GLIS3: variants seen among roughly 807,000 people sequenced by gnomAD.
The protein encoded by GLIS3 is zinc finger protein GLIS3.
In GLIS3, 53 loss-of-function variants were observed where a neutral mutation model predicts 78.6. That is an observed-to-expected ratio of 0.67 (90% CI 0.54 to 0.85). GLIS3 has a LOEUF of 0.85. GLIS3 is among the 40% of genes least tolerant of loss of function. GLIS3 has a pLI of 0.00. For missense variants in GLIS3, 1,703 were observed against 1,231.1 expected, an observed-to-expected ratio of 1.38 and a Z score of -5.74; for synonymous variants, 684 against 509.9, an observed-to-expected ratio of 1.34 and a Z score of -4.60.
intron 4 of GLIS3, among the ~76,000 whole-genome samples, chr9:4,002,440 C>T (rs1275390495): frequency 6.6e-6 from 1 of 152,230 alleles, no homozygotes; most frequent in African/African-American, 2.4e-5. Context: ...AATTCACCTA[C>T]TGAGTAGGCT....
the GLIS3 span, among the ~76,000 whole-genome samples, chr9:4,368,130 T>C: frequency 7.2e-5 from 11 of 152,314 alleles, no homozygotes; most frequent in South Asian, 4.1e-4. Context: ...TAATGAATAA[T>C]CCTAAAATCA....
the GLIS3 span, among the ~76,000 whole-genome samples, chr9:4,426,772 C>G: frequency 6.6e-6 from 1 of 152,214 alleles, no homozygotes; most frequent in African/African-American, 2.4e-5. Flanking sequence ...TTCTGTGCTT[C>G]AGTTCCGTCA....
chr9:4,289,439 C>T (rs963983976), intron 1 of GLIS3, among the ~76,000 whole-genome samples: 4 of 152,132 alleles, frequency 2.6e-5, no homozygotes, highest in Non-Finnish European at 4.4e-5. Context: ...TGCCCATCAG[C>T]GATGTGTTGT....
chr9:4,294,301 G>C (rs1346662312), intron 1 of GLIS3, among the ~76,000 whole-genome samples: 2 of 152,168 alleles, frequency 1.3e-5, no homozygotes, highest in South Asian at 2.1e-4. Context: ...CTGAGGTCAG[G>C]AGTTCGAGAC....
intron 4 of GLIS3, among the ~76,000 whole-genome samples, chr9:4,098,735 C>T (rs1419494771): frequency 1.3e-5 from 2 of 152,042 alleles, no homozygotes; most frequent in Non-Finnish European, 2.9e-5. Context: ...GTTTTACGAT[C>T]GAAATGGAAA....
chr9:4,225,317 T>C (rs565631977), intron 2 of GLIS3, among the ~76,000 whole-genome samples: 13 of 152,348 alleles, frequency 8.5e-5, no homozygotes, highest in African/African-American at 2.9e-4. Context: ...CTAAGTAGTA[T>C]AGACCTGCTA....
At chr9:4,211,835 C>T (rs1301577437) in intron 2 of GLIS3, among the ~76,000 whole-genome samples, 2 of 152,168 alleles carry the variant, frequency 1.3e-5, no homozygotes, top group Non-Finnish European at 2.9e-5. Context: ...TGTTATTTGA[C>T]AATAAAAAAG....
chr9:4,065,738 G>C (rs1282362751), intron 4 of GLIS3, among the ~76,000 whole-genome samples: 1 of 152,136 alleles, frequency 6.6e-6, no homozygotes, highest in Non-Finnish European at 1.5e-5. Context: ...AGAGGTCTAA[G>C]ATGCTAGTGT....
At chr9:3,941,643 G>A (rs976442289) in intron 4 of GLIS3, among the ~76,000 whole-genome samples, 2 of 152,132 alleles carry the variant, frequency 1.3e-5, no homozygotes, top group African/African-American at 4.8e-5. Flanking sequence ...CATTTCAGTG[G>A]CTTTGCGGAC....
chr9:4,274,043 A>T (rs1465695141), intron 2 of GLIS3, among the ~76,000 whole-genome samples: 1 of 152,146 alleles, frequency 6.6e-6, no homozygotes, highest in Non-Finnish European at 1.5e-5. Flanking sequence ...CCCTTTGCCT[A>T]GACTCTGCCC....
intron 4 of GLIS3, among the ~76,000 whole-genome samples, chr9:4,097,593 G>C (rs774833846): frequency 3.9e-5 from 6 of 152,176 alleles, no homozygotes; most frequent in African/African-American, 1.4e-4. Context: ...CAAAATGCCA[G>C]AGATTTTACC....
chr9:4,371,002 C>G, the GLIS3 span, among the ~76,000 whole-genome samples: 1 of 152,182 alleles, frequency 6.6e-6, no homozygotes, highest in Non-Finnish European at 1.5e-5. Flanking sequence ...TGTGAGCCCT[C>G]AAATGTTAAC....
intron 2 of GLIS3, among the ~76,000 whole-genome samples, chr9:4,209,489 G>A (rs1055120168): frequency 2.6e-5 from 4 of 152,206 alleles, no homozygotes; most frequent in Non-Finnish European, 4.4e-5. Flanking sequence ...AGCTTCTCAA[G>A]ATGGACTTCC....
At chr9:4,176,310 AG>A (rs1363984050) in intron 2 of GLIS3, among the ~76,000 whole-genome samples, 2 of 152,226 alleles carry the variant, frequency 1.3e-5, no homozygotes, top group Admixed American at 6.5e-5. Context: ...GTAACTGCCC[AG>A]AGATAATCAT....
chr9:4,190,859 A>C (rs1010152697), intron 2 of GLIS3, among the ~76,000 whole-genome samples: 1 of 152,276 alleles, frequency 6.6e-6, no homozygotes, highest in Non-Finnish European at 1.5e-5. Context: ...ACAAGCCAGA[A>C]GACAGTGGGG....
chr9:4,383,940 C>G, the GLIS3 span, among the ~76,000 whole-genome samples: 2 of 152,226 alleles, frequency 1.3e-5, no homozygotes, highest in Non-Finnish European at 2.9e-5. Context: ...GCACGAACCC[C>G]TCAATTCCTC....
chr9:4,312,700 T>C (rs1427623777), intron 2 of GLIS3, among the ~76,000 whole-genome samples: 1 of 152,230 alleles, frequency 6.6e-6, no homozygotes, highest in Non-Finnish European at 1.5e-5. Context: ...CTCTGTTTTA[T>C]GGCTCTGCTC....
At chr9:4,338,138 A>C (rs1455351337) in intron 2 of GLIS3, among the ~76,000 whole-genome samples, 1 of 151,920 alleles carries the variant, frequency 6.6e-6, no homozygotes, top group East Asian at 1.9e-4. Context: ...ACCTGATTCT[A>C]ATCCTATCGC....
chr9:4,040,256 C>G (rs1340255), intron 4 of GLIS3, among the ~76,000 whole-genome samples: 1 of 148,624 alleles, frequency 6.7e-6, no homozygotes, highest in Admixed American at 6.8e-5. Context: ...AATAATATGT[C>G]TGAATTACAA....
Sources: allele counts gnomAD v4.1 joint callset (sites outside exome capture counted in the v4.1 genomes callset), GRCh38; gene constraint gnomAD v4.1.1; transcripts MANE v1.5; gene names NCBI Gene and HGNC (gene_info 2026-07-23, HGNC 2026-07-21).